ZNF831: variants seen among roughly 807,000 people sequenced by gnomAD.
ZNF831 encodes zinc finger protein 831.
A neutral mutation model predicts 95.8 loss-of-function variants in ZNF831; 59 were observed. That is an observed-to-expected ratio of 0.62 (90% CI 0.50 to 0.77). The LOEUF is 0.77. Among genes scored for constraint, ZNF831 ranks in the 30% least tolerant of loss-of-function variants. The probability of loss-of-function intolerance (pLI) is 0.00; values close to 1 mark genes in which losing one functional copy is unlikely to be tolerated. For missense variants in ZNF831, 2,205 were observed against 2,164.0 expected (o/e 1.02, Z -0.38); for synonymous variants, 961 against 925.5 (o/e 1.04, Z -0.70).
At chr20:59,175,190 G>A (rs551581082) in intron 1 of ZNF831, among the ~76,000 whole-genome samples, 27 of 135,908 alleles carry the variant, frequency 2.0e-4, no homozygotes, top group African/African-American at 7.2e-4. Flanking sequence ...TGACTATGAC[G>A]TGCTTTGGTG....
intron 1 of ZNF831, among the ~76,000 whole-genome samples, chr20:59,125,356 T>A (rs56289956): frequency 0.13 from 20,309 of 152,186 alleles, 1,476 homozygotes; most frequent in Non-Finnish European, 0.14. Flanking sequence ...GACTTGCAGA[T>A]CAGTTCACCC....
At chr20:59,240,652 A>T (rs1259657183) in intron 4 of ZNF831, among the ~76,000 whole-genome samples, 3 of 151,986 alleles carry the variant, frequency 2.0e-5, no homozygotes, top group Admixed American at 6.6e-5. Context: ...ATACAAAAAA[A>T]TTAGCCGGGC....
Position 59,193,908 on chromosome 20 carries a change from C to A in ZNF831, c.2889C>A (p.Ser963Arg), listed in dbSNP as rs2146591226. 2 of 1,603,620 alleles carry A rather than the reference C, an allele frequency of 1.2e-6. No homozygotes were observed. The highest frequency in any genetic ancestry group is 1.1e-5 in the South Asian group (1 of 89,180). ...CCATTCCCTGGGGACCAAGGCACAG[C>A]CAGGACTCTCTCTGCAGCAGTGGGT... ...PLPIPWGPRHSQDSLCSSGWP... is the reference protein window; with the variant it reads ...PLPIPWGPRHRQDSLCSSGWP... Residue 963 changes from serine (S) to arginine (R), a missense_variant, in exon 2 of 6, where the codon AGC becomes AGA. Physicochemically the swap from Ser to Arg is moderately radical, Grantham distance 110 (BLOSUM62 -1). Transcript: ENST00000371030.
rs1985051228 is a variant in ZNF831 at position 59,208,344 on chromosome 20, C to T, written c.4027+1288C>T. ...TCTCAGGGCTAAATGCTGGTCTGTA[C>T]CACCAGGACAAGAGGATGTCTCCCC... On this transcript the variant is annotated intron_variant, in intron 4 of 5. Transcript: ENST00000371030. The surrounding 1 kb of genome is among the most constrained non-coding windows in gnomAD (Gnocchi z 4.2). Among the ~76,000 whole-genome samples, 2 of 152,162 alleles carry T rather than the reference C, an allele frequency of 1.3e-5. No individual in the cohort carries two copies.
At chr20:59,167,441 A>AG (rs1981369198) in intron 1 of ZNF831, among the ~76,000 whole-genome samples, 1 of 150,908 alleles carries the variant, frequency 6.6e-6, no homozygotes, top group Admixed American at 6.6e-5. Flanking sequence ...AAAAAAAAAA[A>AG]TTAACTTCGA....
chr20:59,194,859 A>G (rs1983971109), intron 2 of ZNF831, 102 bp downstream of exon 2: 1 of 1,421,284 alleles, frequency 7.0e-7, no homozygotes, highest in South Asian at 1.6e-5. Context: ...CCCATGTAGC[A>G]TCTGCTGTTC....
chr20:59,187,889 A>G lies in ZNF831; in HGVS notation c.-36-3095A>G, dbSNP rs549077673. ...ATTCCAGTTTCTTCATACAAATGCA[A>G]TTATAAAACACGTGATATTTTGTGT... is the stretch of plus-strand genomic sequence containing the variant. On this transcript the variant is annotated intron_variant, in intron 1 of 5. Coordinates refer to ENST00000371030, the MANE Select transcript of ZNF831 (RefSeq NM_178457.3). 1.2e-4 allele frequency among the ~76,000 whole-genome samples: 19 copies of G among 152,316 alleles called. No homozygotes were observed. The East Asian group carries it at 3.1e-3, about 25-fold the overall frequency.
chr20:59,193,134 T>G lies in ZNF831; in HGVS notation c.2115T>G (p.Thr705=), dbSNP rs762733401. ...NPPALEASLV[T]EPTKHGETVA... is the part of the protein sequence containing the mutation. ...CAGCCCTGGAGGCCTCCTTGGTGAC[T>G]GAACCCACTAAGCATGGGGAGACGG... Residue 705 remains threonine, a synonymous_variant, in exon 2 of 6, where the codon ACT becomes ACG. Transcript: ENST00000371030. 1.3e-6 allele frequency: 2 copies of G among 1,580,084 alleles called. No homozygotes were observed. Among genetic ancestry groups the G allele is most frequent in the South Asian group, 2.3e-5 (2 of 87,400 alleles).
intron 4 of ZNF831, among the ~76,000 whole-genome samples, chr20:59,211,259 C>T (rs1985312825): frequency 6.6e-6 from 1 of 152,172 alleles, no homozygotes; most frequent in Non-Finnish European, 1.5e-5. Flanking sequence ...ATTTGAGCAT[C>T]CAGTTGAACC....
At chr20:59,246,099 A>G (rs1333291026) in intron 4 of ZNF831, among the ~76,000 whole-genome samples, 3 of 152,094 alleles carry the variant, frequency 2.0e-5, no homozygotes, top group African/African-American at 7.2e-5. Flanking sequence ...CTCCCTCCGC[A>G]GTCTGTCTCC....
chr20:59,188,432 T>C (rs1035022112), intron 1 of ZNF831, among the ~76,000 whole-genome samples: 1 of 152,260 alleles, frequency 6.6e-6, no homozygotes, highest in Non-Finnish European at 1.5e-5. Flanking sequence ...CATCTTTTTA[T>C]GTGCTTTTTG....
At position 59,208,568 on chromosome 20, in the gene ZNF831, AG is replaced by A. The variant is rs1256611480; in HGVS notation, c.4027+1515del. ...CCAGCACCCTCTGAAGTGCCAACTC[AG>A]GGTACCTGGGAATTGTGCACAGAAT... On this transcript the variant is annotated intron_variant, in intron 4 of 5. Coordinates refer to ENST00000371030, the MANE Select transcript of ZNF831 (RefSeq NM_178457.3). The surrounding 1 kb of genome is among the most constrained non-coding windows in gnomAD (Gnocchi z 4.2). 6.6e-6 allele frequency among the ~76,000 whole-genome samples: 1 copy of A among 152,174 alleles called. No homozygotes were observed. The highest frequency in any genetic ancestry group is 6.5e-5 in the Admixed American group (1 of 15,284).
At chr20:59,142,212 C>T (rs139811561) in intron 1 of ZNF831, among the ~76,000 whole-genome samples, 6 of 152,248 alleles carry the variant, frequency 3.9e-5, no homozygotes, top group African/African-American at 1.4e-4. Context: ...AGGGTGGAAG[C>T]TATGAAGGAG....
At chr20:59,207,970 C>T (rs1222079902) in intron 4 of ZNF831, among the ~76,000 whole-genome samples, 3 of 152,336 alleles carry the variant, frequency 2.0e-5, no homozygotes, top group South Asian at 2.1e-4. Flanking sequence ...CACTTGAGTG[C>T]TCTCCCCACA....
At chr20:59,198,578 C>T (rs555914061) in intron 3 of ZNF831, among the ~76,000 whole-genome samples, 7 of 152,278 alleles carry the variant, frequency 4.6e-5, no homozygotes, top group South Asian at 4.1e-4. Flanking sequence ...TGGAACTAGA[C>T]GGCCTCTCCA....
At chr20:59,190,593 C>G (rs6123859) in intron 1 of ZNF831, among the ~76,000 whole-genome samples, 2 of 152,230 alleles carry the variant, frequency 1.3e-5, no homozygotes, top group Non-Finnish European at 2.9e-5. Flanking sequence ...CTTCGAGGAC[C>G]TTGAACAAGC....
chr20:59,236,226 C>G (rs927292818), intron 4 of ZNF831, among the ~76,000 whole-genome samples: 4 of 152,152 alleles, frequency 2.6e-5, no homozygotes, highest in African/African-American at 9.7e-5. Context: ...AGGTGAGGAA[C>G]AAAAAGCACA....
At chr20:59,165,111 G>A (rs1981152436) in intron 1 of ZNF831, among the ~76,000 whole-genome samples, 1 of 152,206 alleles carries the variant, frequency 6.6e-6, no homozygotes. Context: ...GGGTCTGTGA[G>A]ATTTGCTTCC....
At chr20:59,127,487 C>A (rs1177310529) in intron 1 of ZNF831, among the ~76,000 whole-genome samples, 2 of 152,178 alleles carry the variant, frequency 1.3e-5, no homozygotes, top group Non-Finnish European at 2.9e-5. Context: ...TCCCAGCCAG[C>A]CCCACGGGGC....
Sources: gnomAD v4.1 joint callset for allele counts (sites outside exome capture counted in the v4.1 genomes callset) on GRCh38, gnomAD v4.1.1 for gene constraint, Gnocchi (gnomAD v3.1) non-coding constraint, MANE v1.5 for transcripts, NCBI Gene and HGNC (gene_info 2026-07-23, HGNC 2026-07-21) for gene names.